CDH18: variants seen among roughly 807,000 people sequenced by gnomAD.
The protein encoded by CDH18 is cadherin 18.
CDH18 carries 31 observed loss-of-function variants against 67.9 expected under a neutral mutation model. The observed-to-expected ratio is 0.46, with a 90% CI of 0.34 to 0.62. CDH18 has a LOEUF of 0.62. CDH18 is among the 20% of genes least tolerant of loss of function. The pLI, the probability that CDH18 is intolerant of heterozygous loss-of-function variation, is 0.01. For synonymous variants in CDH18, 362 were observed against 347.2 expected (o/e 1.04, Z -0.48); for missense variants, 890 against 975.5 (o/e 0.91, Z 1.17).
chr5:20,197,538 G>T (rs963302820), intron 2 of CDH18, among the ~76,000 whole-genome samples: 2 of 152,168 alleles, frequency 1.3e-5, no homozygotes, highest in East Asian at 1.9e-4. Flanking sequence ...AGAAGTTACA[G>T]CTGGAAGAAA....
intron 6 of CDH18, among the ~76,000 whole-genome samples, chr5:19,595,098 G>C (rs1745952690): frequency 6.6e-6 from 1 of 151,844 alleles, no homozygotes; most frequent in Non-Finnish European, 1.5e-5. Context: ...TAAAGTTGCA[G>C]ACATAAAATC....
chr5:20,263,230 G>A (rs998462278), intron 1 of CDH18, among the ~76,000 whole-genome samples: 3 of 152,048 alleles, frequency 2.0e-5, no homozygotes, highest in Admixed American at 6.6e-5. Context: ...TTTGAGTTGT[G>A]AGCTGTGAGC....
At chr5:19,713,953 T>C (rs1277682268) in intron 5 of CDH18, among the ~76,000 whole-genome samples, 1 of 152,128 alleles carries the variant, frequency 6.6e-6, no homozygotes, top group Non-Finnish European at 1.5e-5. Flanking sequence ...GGCAGTGCAC[T>C]GTACTATGAA....
At chr5:20,126,971 G>A (rs930981423) in intron 2 of CDH18, among the ~76,000 whole-genome samples, 4 of 152,124 alleles carry the variant, frequency 2.6e-5, no homozygotes, top group South Asian at 2.1e-4. Context: ...CAAAAGAATC[G>A]AAATCAGGAT....
chr5:20,168,899 C>T (rs958651380), intron 2 of CDH18, among the ~76,000 whole-genome samples: 1 of 152,012 alleles, frequency 6.6e-6, no homozygotes, highest in African/African-American at 2.4e-5. Context: ...ACAGAAACAT[C>T]ACTTATTTGT....
intron 9 of CDH18, among the ~76,000 whole-genome samples, chr5:19,538,022 A>T (rs1377887495): frequency 6.6e-6 from 1 of 152,194 alleles, no homozygotes; most frequent in Non-Finnish European, 1.5e-5. Flanking sequence ...AAGTATTGAT[A>T]GGTTTTGGTT....
intron 2 of CDH18, among the ~76,000 whole-genome samples, chr5:20,228,556 G>T (rs1741820290): frequency 6.6e-6 from 1 of 151,998 alleles, no homozygotes; most frequent in Non-Finnish European, 1.5e-5. Flanking sequence ...TTGTACAATA[G>T]ATCTCTTGAA....
At chr5:20,403,944 G>A (rs985762445) in intron 1 of CDH18, among the ~76,000 whole-genome samples, 1 of 152,176 alleles carries the variant, frequency 6.6e-6, no homozygotes, top group Non-Finnish European at 1.5e-5. Context: ...GTTGTTTTGT[G>A]TAACCATTTT....
rs35296920 is a variant in CDH18, at chr5:19,841,571, C to CAAA, written c.-256-2332_-256-2330dup. 2.1e-4 allele frequency among the ~76,000 whole-genome samples: 29 copies of CAAA among 137,060 alleles called. No homozygotes were observed. The East Asian group carries it at 2.4e-3, about 11-fold the overall frequency. 89.9% of individuals were successfully genotyped at this position (137,060 alleles called of 152,430 possible). ...TTCTTAATTTTCAAATCATGAATTTCAAAAAAAAAAAAAGGAAACTTTATC... is the reference window on the plus strand; with the variant it reads ...TTCTTAATTTTCAAATCATGAATTTCAAAAAAAAAAAAAAAAGGAAACTTTATC... On this transcript the variant is annotated intron_variant, in intron 2 of 12. Coordinates refer to ENST00000382275, the MANE Select transcript of CDH18 (RefSeq NM_004934.5).
chr5:19,994,130 T>C (rs1183121667), intron 2 of CDH18, among the ~76,000 whole-genome samples: 1 of 151,984 alleles, frequency 6.6e-6, no homozygotes, highest in Non-Finnish European at 1.5e-5. Context: ...AAGCAAGGAA[T>C]GGGTATGGTT....
chr5:20,180,715 C>T (rs1307049163), intron 2 of CDH18, among the ~76,000 whole-genome samples: 1 of 152,074 alleles, frequency 6.6e-6, no homozygotes, highest in Non-Finnish European at 1.5e-5. Context: ...GCATTGTTGG[C>T]ACCATGGGGC....
At chr5:19,482,654 A>G (rs1739660956) in intron 12 of CDH18, among the ~76,000 whole-genome samples, 2 of 149,536 alleles carry the variant, frequency 1.3e-5, no homozygotes, top group Admixed American at 6.6e-5. Context: ...TGTTTTCCCA[A>G]TAATAGTTTT....
At chr5:20,404,986 C>T (rs997945393) in intron 1 of CDH18, among the ~76,000 whole-genome samples, 1 of 152,006 alleles carries the variant, frequency 6.6e-6, no homozygotes, top group South Asian at 2.1e-4. Context: ...CTTGATATTT[C>T]CAAATAGATG....
intron 1 of CDH18, among the ~76,000 whole-genome samples, chr5:20,462,028 A>G (rs980140857): frequency 1.3e-5 from 2 of 152,178 alleles, no homozygotes; most frequent in African/African-American, 2.4e-5. Flanking sequence ...TATGTATCCA[A>G]AGGAAAATAA....
intron 5 of CDH18, among the ~76,000 whole-genome samples, chr5:19,654,547 T>C (rs1756058227): frequency 6.6e-6 from 1 of 152,002 alleles, no homozygotes; most frequent in Non-Finnish European, 1.5e-5. Context: ...CTGGGGAAAG[T>C]GCTATTGGGC....
At chr5:20,484,911 T>C (rs1332892474) in intron 1 of CDH18, among the ~76,000 whole-genome samples, 5 of 152,094 alleles carry the variant, frequency 3.3e-5, no homozygotes. Flanking sequence ...TATTTTATCA[T>C]ACATTTTGAA....
At chr5:20,379,231 G>T (rs1487861556) in intron 1 of CDH18, among the ~76,000 whole-genome samples, 1 of 152,146 alleles carries the variant, frequency 6.6e-6, no homozygotes, top group African/African-American at 2.4e-5. Flanking sequence ...CTTATATTAT[G>T]TAGCTTTCTT....
At chr5:19,484,065 T>C (rs911293377) in intron 11 of CDH18, among the ~76,000 whole-genome samples, 4 of 152,198 alleles carry the variant, frequency 2.6e-5, no homozygotes, top group Non-Finnish European at 4.4e-5. Flanking sequence ...AACAAACTTT[T>C]TAGACTTGGC....
At chr5:19,975,705 G>T (rs1798435551) in intron 2 of CDH18, among the ~76,000 whole-genome samples, 1 of 151,998 alleles carries the variant, frequency 6.6e-6, no homozygotes, top group African/African-American at 2.4e-5. Context: ...AGAACAATCT[G>T]GTTTTTCCAT....
Sources: gnomAD v4.1 joint callset for allele counts (sites outside exome capture counted in the v4.1 genomes callset) on GRCh38, gnomAD v4.1.1 for gene constraint, MANE v1.5 for transcripts, NCBI Gene and HGNC (gene_info 2026-07-23, HGNC 2026-07-21) for gene names.